LHX2: variants seen among roughly 807,000 people sequenced by gnomAD.
LHX2 encodes the protein LIM/homeobox protein Lhx2.
A neutral mutation model predicts 33.0 loss-of-function variants in LHX2; 6 were observed. The observed-to-expected ratio is 0.18, with a 90% CI of 0.10 to 0.36. The LOEUF (loss-of-function observed/expected upper bound fraction) is 0.36. Ranked by LOEUF, LHX2 falls within the 10% of genes least tolerant of loss-of-function variation. LHX2 has a pLI of 1.00. For synonymous variants in LHX2, 292 were observed against 253.1 expected, an observed-to-expected ratio of 1.15 and a Z score of -1.46; for missense variants, 442 against 586.2, an observed-to-expected ratio of 0.75 and a Z score of 2.54.
At position 124,012,169 on chromosome 9, in the gene LHX2, C is replaced by G; in HGVS notation, c.-180C>G. ...CCCCTGCGCCTCGGCGGGAGGCGTC[C>G]TGCCCCGCGAGCGCCCGGGGCCCGG... On this transcript the variant is annotated 5_prime_UTR_variant, in exon 1 of 5. Coordinates refer to ENST00000373615, the MANE Select transcript of LHX2 (RefSeq NM_004789.4). The surrounding 1 kb of genome is among the most constrained non-coding windows in gnomAD (Gnocchi z 4.3). 1 of 400,580 alleles carries G rather than the reference C, an allele frequency of 2.5e-6. No individual in the cohort carries two copies. 24.8% of individuals were successfully genotyped at this position (400,580 alleles called of 1,614,324 possible). A position where few individuals can be genotyped will look rare whatever the true frequency, so the allele number is the denominator to read the frequency against.
intron 4 of LHX2, among the ~76,000 whole-genome samples, chr9:124,028,114 G>C (rs1290509068): frequency 1.3e-5 from 2 of 152,176 alleles, no homozygotes; most frequent in East Asian, 3.8e-4. Flanking sequence ...GATTTGCTGG[G>C]GGCAAAGTGG....
At chr9:124,021,493 C>G (rs1467417745) in intron 4 of LHX2, among the ~76,000 whole-genome samples, 189 bp downstream of exon 4, 1 of 152,240 alleles carries the variant, frequency 6.6e-6, no homozygotes, top group East Asian at 1.9e-4. Flanking sequence ...TTTTTTCTTA[C>G]TTTGTCTTTT....
Position 124,012,511 on chromosome 9 carries a change from G to T in LHX2, c.120+43G>T, listed in dbSNP as rs1423115864. 2.7e-6 allele frequency: 4 copies of T among 1,477,176 alleles called. No individual in the cohort carries two copies. The highest frequency in any genetic ancestry group is 3.6e-6 in the Non-Finnish European group (4 of 1,116,500). The allele number at this position is 1,477,176 out of a possible 1,614,324, so 91.5% of individuals were successfully genotyped here. ...GGGTCGGGGCTGAGAGCTGGGATGGGGCCGGGCCAGTCAGCGCCTCTGCTC... is the reference window on the plus strand; with the variant it reads ...GGGTCGGGGCTGAGAGCTGGGATGGTGCCGGGCCAGTCAGCGCCTCTGCTC... On this transcript the variant is annotated intron_variant, in intron 1 of 4. Transcript: ENST00000373615. This position sits in a 1 kb window ranked among gnomAD's most constrained non-coding sequence, Gnocchi z 4.3.
intron 3 of LHX2, among the ~76,000 whole-genome samples, chr9:124,019,882 C>A (rs114746658): frequency 0.011 from 1,615 of 152,242 alleles, 19 homozygotes; most frequent in African/African-American, 0.037. Context: ...TGGGAGGGGT[C>A]CTGCAGGTCC....
intron 4 of LHX2, among the ~76,000 whole-genome samples, chr9:124,028,533 C>T (rs1828662469): frequency 2.0e-5 from 3 of 152,168 alleles, no homozygotes; most frequent in Non-Finnish European, 2.9e-5. Flanking sequence ...TCTTGTTGTA[C>T]AAGTGAAGAA....
At position 124,015,798 on chromosome 9, in the gene LHX2, C is replaced by T. The variant is rs1859179521; in HGVS notation, c.727+273C>T. 6.6e-6 allele frequency among the ~76,000 whole-genome samples: 1 copy of T among 152,234 alleles called. No individual in the cohort carries two copies. Among genetic ancestry groups the T allele is most frequent in the African/African-American group, 2.4e-5 (1 of 41,474 alleles). ...TTGGAGATGGCTTTTTGGTTTGGGC[C>T]TTTGCCCCACTTTGCTAGGCAGGAA... On this transcript the variant is annotated intron_variant, in intron 3 of 4. Coordinates refer to ENST00000373615, the MANE Select transcript of LHX2 (RefSeq NM_004789.4). This position sits in a 1 kb window ranked among gnomAD's most constrained non-coding sequence, Gnocchi z 7.9.
intron 3 of LHX2, among the ~76,000 whole-genome samples, chr9:124,017,403 C>T (rs1859210544): frequency 6.6e-6 from 1 of 152,198 alleles, no homozygotes; most frequent in Non-Finnish European, 1.5e-5. Context: ...TCTCCCCGGC[C>T]TCTCGGGGCC....
intron 3 of LHX2, 128 bp from the exon 4 acceptor site, chr9:124,020,971 T>C (rs1859281629): frequency 1.2e-6 from 1 of 802,632 alleles, no homozygotes; most frequent in Non-Finnish European, 2.0e-6. Context: ...GATGTCCCCC[T>C]TTCATTGTGG....
At chr9:124,023,751 T>G (rs1828557862) in intron 4 of LHX2, among the ~76,000 whole-genome samples, 1 of 152,220 alleles carries the variant, frequency 6.6e-6, no homozygotes, top group Non-Finnish European at 1.5e-5. Context: ...TTCTTTCATC[T>G]GATGAAACAT....
At chr9:124,023,596 T>A (rs115479759) in intron 4 of LHX2, among the ~76,000 whole-genome samples, 1,621 of 152,280 alleles carry the variant, frequency 0.011, 22 homozygotes, top group African/African-American at 0.038. Context: ...CTCTCAGTTA[T>A]CCAGATTAAA....
intron 3 of LHX2, among the ~76,000 whole-genome samples, chr9:124,018,544 C>G (rs568857023): frequency 6.6e-6 from 1 of 152,164 alleles, no homozygotes; most frequent in Non-Finnish European, 1.5e-5. Context: ...TTTCTCTACT[C>G]CCCCGCCAAT....
rs2118745208 is a variant in LHX2, at chr9:124,013,909, G to A, written c.121-52G>A. 3.8e-6 allele frequency: 6 copies of A among 1,568,006 alleles called. No individual in the cohort carries two copies. The East Asian group carries it at 1.4e-4, about 35-fold the overall frequency. On this transcript the variant is annotated intron_variant, in intron 1 of 4. Transcript: ENST00000373615. ...GGGTGCCGGTTTCCCGGCGGCGGAG[G>A]GGCCGCTGGCTGACGCAGGCGCTGC...
chr9:124,025,524 T>C (rs1828606703), intron 4 of LHX2, among the ~76,000 whole-genome samples: 1 of 151,998 alleles, frequency 6.6e-6, no homozygotes, highest in African/African-American at 2.4e-5. Context: ...CTCTCTGAGT[T>C]GCTTTCCTTC....
chr9:124,020,261 A>G (rs1359488988), intron 3 of LHX2, among the ~76,000 whole-genome samples: 4 of 151,840 alleles, frequency 2.6e-5, no homozygotes, highest in East Asian at 1.9e-4. Context: ...TGTCTACTAC[A>G]TGTTTATTTC....
At chr9:124,018,226 T>A (rs1373931122) in intron 3 of LHX2, among the ~76,000 whole-genome samples, 2 of 151,328 alleles carry the variant, frequency 1.3e-5, no homozygotes, top group African/African-American at 4.9e-5. Context: ...AAATTATTCA[T>A]GATTTTACGA....
In LHX2 at chr9:124,014,798, T is replaced by A. The variant is rs1859155996; in HGVS notation, c.324-324T>A. Among the ~76,000 whole-genome samples, 1 of 152,160 alleles carries A rather than the reference T, an allele frequency of 6.6e-6. No individual in the cohort carries two copies. The highest frequency in any genetic ancestry group is 2.4e-5 in the African/African-American group (1 of 41,426). On this transcript the variant is annotated intron_variant, in intron 2 of 4. Coordinates refer to ENST00000373615, the MANE Select transcript of LHX2 (RefSeq NM_004789.4). This position sits in a 1 kb window ranked among gnomAD's most constrained non-coding sequence, Gnocchi z 4.8. The stretch of plus-strand genomic sequence containing the variant: ...GTCAGTAGGATTCCCAGGCGCTGGT[T>A]TGGAGGGAGGAGTAAAGGTTGAGGA...
chr9:124,016,802 C>T lies in LHX2; in HGVS notation c.727+1277C>T, dbSNP rs1017463583. Among the ~76,000 whole-genome samples, 1 of 152,168 alleles carries T rather than the reference C, an allele frequency of 6.6e-6. No individual in the cohort carries two copies. The highest frequency in any genetic ancestry group is 2.4e-5 in the African/African-American group (1 of 41,420). ...GCGCGGATTTAAGATTTGCTGAAGGCACTACCACAGATGTAGCTCTCTGGA... is the reference window on the plus strand; with the variant it reads ...GCGCGGATTTAAGATTTGCTGAAGGTACTACCACAGATGTAGCTCTCTGGA... On this transcript the variant is annotated intron_variant, in intron 3 of 4. Transcript: ENST00000373615. This position sits in a 1 kb window ranked among gnomAD's most constrained non-coding sequence, Gnocchi z 4.4.
chr9:124,026,858 G>C (rs781100927), intron 4 of LHX2, among the ~76,000 whole-genome samples: 1 of 152,210 alleles, frequency 6.6e-6, no homozygotes, highest in Non-Finnish European at 1.5e-5. Flanking sequence ...GTCAGGGAAG[G>C]CTTCCCTGAG....
rs559307477 is a variant in LHX2, at chr9:124,016,294, A to T, written c.727+769A>T. Among the ~76,000 whole-genome samples, 441 of 152,178 alleles carry T rather than the reference A, an allele frequency of 2.9e-3. 1 individual carries two copies. Among genetic ancestry groups the T allele is most frequent in the African/African-American group, 1.0e-2 (415 of 41,520 alleles). ...TTCCGGCATCTTTGAACCCCAGGCC[A>T]TTCCCGGAGAAGCTCTGCCCCCTCC... is the stretch of plus-strand genomic sequence containing the variant. On this transcript the variant is annotated intron_variant, in intron 3 of 4. Coordinates refer to ENST00000373615, the MANE Select transcript of LHX2 (RefSeq NM_004789.4). The surrounding 1 kb of genome is among the most constrained non-coding windows in gnomAD (Gnocchi z 4.4).
Sources: gnomAD v4.1 joint callset for allele counts (sites outside exome capture counted in the v4.1 genomes callset) on GRCh38, gnomAD v4.1.1 for gene constraint, Gnocchi (gnomAD v3.1) non-coding constraint, MANE v1.5 for transcripts, NCBI Gene and HGNC (gene_info 2026-07-23, HGNC 2026-07-21) for gene names.